Variants in PDE4D observed in about 807,000 individuals in gnomAD.
PDE4D encodes 3',5'-cyclic-AMP phosphodiesterase 4D.
Under a neutral mutation model 87.4 loss-of-function variants are expected in PDE4D, and 24 were observed. The observed-to-expected ratio is 0.27, with a 90% CI of 0.20 to 0.39. PDE4D has a LOEUF of 0.39. Ranked by LOEUF, PDE4D falls within the 10% of genes least tolerant of loss-of-function variation. PDE4D has a pLI of 1.00. For missense variants in PDE4D, 714 were observed against 1,041.0 expected, an observed-to-expected ratio of 0.69 and a Z score of 4.32; for synonymous variants, 384 against 383.2, an observed-to-expected ratio of 1.00 and a Z score of -0.02.
intron 1 of PDE4D, among the ~76,000 whole-genome samples, chr5:60,468,139 T>TTTTTTTGTTTTTTTTTTG (rs1554040611): frequency 6.9e-6 from 1 of 145,444 alleles, no homozygotes; most frequent in African/African-American, 2.7e-5. Flanking sequence ...TCTTTTTTCT[T>TTTTTTTGTTTTTTTTTTG]TTTTTTTTGT....
intron 1 of PDE4D, among the ~76,000 whole-genome samples, chr5:59,740,481 T>C (rs1466513271): frequency 2.0e-5 from 3 of 152,204 alleles, no homozygotes; most frequent in African/African-American, 7.2e-5. Flanking sequence ...AACACATTTA[T>C]ACCTTGTAAA....
rs1383253545 is a variant in PDE4D, at chr5:59,178,317, C to T, written c.808+2278G>A. On this transcript the variant is annotated intron_variant, in intron 5 of 14. Transcript: ENST00000340635. Reference sequence around the variant, plus strand: ...CTGTTGTGCTTTGTGAGGAGCCCAGCAGCACTAAGTGGTAACAACAGTTAA... The same window carrying T: ...CTGTTGTGCTTTGTGAGGAGCCCAGTAGCACTAAGTGGTAACAACAGTTAA... Among the ~76,000 whole-genome samples the T allele has an allele frequency of 9.2e-5, 14 of 152,288 alleles. No homozygotes were observed. The East Asian group carries it at 2.5e-3, about 27-fold the overall frequency.
At chr5:59,840,982 C>G (rs191039917) in intron 1 of PDE4D, among the ~76,000 whole-genome samples, 1 of 152,068 alleles carries the variant, frequency 6.6e-6, no homozygotes, top group East Asian at 1.9e-4. Context: ...AATGTTTTGT[C>G]CCAAGGTGTA....
At chr5:60,316,657 G>T (rs1315955922) in intron 1 of PDE4D, among the ~76,000 whole-genome samples, 1 of 152,044 alleles carries the variant, frequency 6.6e-6, no homozygotes, top group Non-Finnish European at 1.5e-5. Flanking sequence ...TTTGAGATAC[G>T]TCCCATCAAT....
chr5:60,284,569 C>T (rs774440822), intron 1 of PDE4D, among the ~76,000 whole-genome samples: 2 of 152,176 alleles, frequency 1.3e-5, no homozygotes, highest in Admixed American at 6.6e-5. Context: ...GTGTACTCTG[C>T]CATGAGCTGC....
intron 1 of PDE4D, among the ~76,000 whole-genome samples, chr5:59,845,766 C>G (rs1459025270): frequency 6.6e-6 from 1 of 152,034 alleles, no homozygotes; most frequent in Non-Finnish European, 1.5e-5. Flanking sequence ...CAATTTACGG[C>G]CTTGTCAGTT....
At chr5:60,278,896 G>A (rs893136325) in intron 1 of PDE4D, among the ~76,000 whole-genome samples, 2 of 152,122 alleles carry the variant, frequency 1.3e-5, no homozygotes, top group Non-Finnish European at 2.9e-5. Context: ...TGTCATCTCA[G>A]TGTTGGTATC....
At position 59,162,940 on chromosome 5, in the gene PDE4D, A is replaced by C. The variant is rs530263575; in HGVS notation, c.808+17655T>G. ...CCTGAATATACACTCTCACTTATCT[A>C]ATTGATTTTTTTTTTTTCTTCGAGG... On this transcript the variant is annotated intron_variant, in intron 5 of 14. Transcript: ENST00000340635. Among the ~76,000 whole-genome samples the C allele has an allele frequency of 1.5e-3, 223 of 151,082 alleles. 1 individual carries two copies. The highest frequency in any genetic ancestry group is 3.9e-3 in the African/African-American group (161 of 41,056).
At chr5:59,553,357 T>C (rs1360017101) in intron 1 of PDE4D, among the ~76,000 whole-genome samples, 1 of 152,108 alleles carries the variant, frequency 6.6e-6, no homozygotes, top group Non-Finnish European at 1.5e-5. Flanking sequence ...GTTTTTGCCA[T>C]CCCCCAAGAG....
intron 1 of PDE4D, among the ~76,000 whole-genome samples, chr5:59,327,502 C>T (rs1266581916): frequency 6.6e-6 from 1 of 152,082 alleles, no homozygotes; most frequent in Non-Finnish European, 1.5e-5. Flanking sequence ...CAGAATTGTA[C>T]TGCAAAGTGT....
chr5:60,386,967 T>C (rs555638358), intron 1 of PDE4D, among the ~76,000 whole-genome samples: 8 of 152,322 alleles, frequency 5.3e-5, no homozygotes, highest in African/African-American at 1.9e-4. Context: ...CAGACGTGAT[T>C]GCTGCTTTTA....
At chr5:60,318,146 T>G (rs879520146) in intron 1 of PDE4D, among the ~76,000 whole-genome samples, 22 of 152,226 alleles carry the variant, frequency 1.4e-4, no homozygotes, top group Non-Finnish European at 2.9e-4. Flanking sequence ...TCTAAGGACT[T>G]GCTTTATGAA....
rs576025117 is a variant in PDE4D at position 60,171,852 on chromosome 5, T to C, written c.42+13705A>G. ...TTCACTCTTGAGCCAAATATTTCCA[T>C]ATACTAACTTTAAGGTTTTAAAATG... is the stretch of plus-strand genomic sequence containing the variant. On this transcript the variant is annotated intron_variant, in intron 2 of 16. Transcript: ENST00000502484. Among the ~76,000 whole-genome samples the C allele has an allele frequency of 5.9e-5, 9 of 152,124 alleles. No individual in the cohort carries two copies. In the South Asian group the frequency reaches 1.9e-3, roughly 31 times the overall value.
chr5:59,865,623 T>C (rs1285933553), intron 1 of PDE4D, among the ~76,000 whole-genome samples: 1 of 152,234 alleles, frequency 6.6e-6, no homozygotes, highest in Non-Finnish European at 1.5e-5. Context: ...AGTGAGTATA[T>C]TGTATCTAAA....
At chr5:59,698,269 T>C (rs1752071936) in intron 1 of PDE4D, among the ~76,000 whole-genome samples, 1 of 152,008 alleles carries the variant, frequency 6.6e-6, no homozygotes, top group African/African-American at 2.4e-5. Context: ...AACAGCAAAA[T>C]GTTGGTTGGC....
intron 1 of PDE4D, among the ~76,000 whole-genome samples, chr5:59,267,293 ACT>A (rs1447170556): frequency 1.1e-4 from 16 of 151,518 alleles, no homozygotes; most frequent in Admixed American, 4.0e-4. Flanking sequence ...CAAAGAAAAA[ACT>A]CTGTGCCACA....
chr5:59,186,757 T>A (rs1337478354), intron 3 of PDE4D, among the ~76,000 whole-genome samples: 1 of 152,190 alleles, frequency 6.6e-6, no homozygotes, highest in African/African-American at 2.4e-5. Context: ...ATTAACTCAG[T>A]CACTGGAAAA....
intron 2 of PDE4D, among the ~76,000 whole-genome samples, chr5:60,099,563 C>T (rs1776022660): frequency 6.6e-6 from 1 of 151,442 alleles, no homozygotes; most frequent in African/African-American, 2.4e-5. Flanking sequence ...AAATCAACAC[C>T]AAATGCCCAG....
intron 1 of PDE4D, among the ~76,000 whole-genome samples, chr5:59,892,549 CTCTCCAAG>C (rs1305777655): frequency 7.2e-6 from 1 of 138,876 alleles, no homozygotes; most frequent in African/African-American, 3.2e-5. Context: ...TTGCTCCAAA[CTCTCCAAG>C]TCACCCACGT....
Sources: gnomAD v4.1 joint callset for allele counts (sites outside exome capture counted in the v4.1 genomes callset) on GRCh38, gnomAD v4.1.1 for gene constraint, MANE v1.5 for transcripts, NCBI Gene and HGNC (gene_info 2026-07-23, HGNC 2026-07-21) for gene names.